The following FILIP1 variants were observed in gnomAD, a reference collection of about 807,000 sequenced individuals.
The protein encoded by FILIP1 is filamin-A-interacting protein 1.
A neutral mutation model predicts 102.1 loss-of-function variants in FILIP1; 61 were observed. That is an observed-to-expected ratio of 0.60 (90% CI 0.49 to 0.74). FILIP1 has a LOEUF of 0.74. Ranked by LOEUF, FILIP1 falls within the 30% of genes least tolerant of loss-of-function variation. The pLI, the probability that FILIP1 is intolerant of heterozygous loss-of-function variation, is 0.00. For missense variants in FILIP1, 1,314 were observed against 1,441.2 expected (o/e 0.91, Z 1.43); for synonymous variants, 491 against 526.9 (o/e 0.93, Z 0.93).
chr6:75,444,759 T>A (rs1206289895), intron 1 of FILIP1, among the ~76,000 whole-genome samples: 2 of 152,202 alleles, frequency 1.3e-5, no homozygotes, highest in Non-Finnish European at 2.9e-5. Flanking sequence ...GCTTCATTTT[T>A]AAATTAAACT....
chr6:75,309,070 T>C (rs963973769), intron 5 of FILIP1, among the ~76,000 whole-genome samples, 173 bp from the exon 6 acceptor site: 1 of 152,078 alleles, frequency 6.6e-6, no homozygotes, highest in African/African-American at 2.4e-5. Context: ...CCACTCTGAT[T>C]ATCTCCCCTT....
chr6:75,305,100 T>C (rs1176604970), downstream of FILIP1, among the ~76,000 whole-genome samples: 2 of 152,064 alleles, frequency 1.3e-5, no homozygotes, highest in East Asian at 1.9e-4. Flanking sequence ...AAATAACCAA[T>C]GATGAGACCC....
intron 1 of FILIP1, among the ~76,000 whole-genome samples, chr6:75,489,391 C>T (rs1161201883): frequency 2.0e-5 from 3 of 152,084 alleles, no homozygotes; most frequent in Non-Finnish European, 4.4e-5. Context: ...AATACATTCT[C>T]CTGCCTTTCC....
intron 6 of FILIP1, chr6:75,295,979 T>C (rs762688637): frequency 2.2e-6 from 3 of 1,393,226 alleles, no homozygotes; most frequent in Admixed American, 3.3e-5. Context: ...CATGGCATTT[T>C]CAATTAAACT....
At chr6:75,440,164 C>T (rs367584965) in intron 1 of FILIP1, among the ~76,000 whole-genome samples, 3 of 152,070 alleles carry the variant, frequency 2.0e-5, no homozygotes, top group Non-Finnish European at 4.4e-5. Flanking sequence ...AAATCCATCA[C>T]GGGCTCTTTG....
At chr6:75,326,095 T>TTAAA (rs1554200300) in intron 4 of FILIP1, among the ~76,000 whole-genome samples, 2 of 144,830 alleles carry the variant, frequency 1.4e-5, no homozygotes, top group African/African-American at 5.1e-5. Context: ...GATAGATAGA[T>TTAAA]TAGATAGATA....
intron 1 of FILIP1, among the ~76,000 whole-genome samples, chr6:75,442,583 C>G (rs1778303146): frequency 6.6e-6 from 1 of 152,196 alleles, no homozygotes; most frequent in Non-Finnish European, 1.5e-5. Flanking sequence ...GAAACCCCGT[C>G]TCCACCAAAA....
At chr6:75,345,455 C>T (rs1247628224) in intron 4 of FILIP1, among the ~76,000 whole-genome samples, 1 of 151,640 alleles carries the variant, frequency 6.6e-6, no homozygotes, top group African/African-American at 2.4e-5. Context: ...CAGATGTGCC[C>T]GTAGGAATAT....
At chr6:75,298,218 A>C (rs1772737691) in intron 6 of FILIP1, among the ~76,000 whole-genome samples, 1 of 152,236 alleles carries the variant, frequency 6.6e-6, no homozygotes, top group Non-Finnish European at 1.5e-5. Context: ...TACTGTATTT[A>C]AATTAGCAAA....
chr6:75,429,070 TG>T (rs1777731373), intron 1 of FILIP1, among the ~76,000 whole-genome samples: 1 of 152,196 alleles, frequency 6.6e-6, no homozygotes, highest in Non-Finnish European at 1.5e-5. Context: ...GTTTGCACTA[TG>T]TTTTTTTGTT....
At chr6:75,373,974 G>T (rs1775665297) in intron 2 of FILIP1, among the ~76,000 whole-genome samples, 1 of 152,146 alleles carries the variant, frequency 6.6e-6, no homozygotes, top group Non-Finnish European at 1.5e-5. Context: ...TGGGGCAACA[G>T]ACTGAAACCC....
At chr6:75,426,617 G>T (rs745430735) in intron 1 of FILIP1, among the ~76,000 whole-genome samples, 1 of 152,056 alleles carries the variant, frequency 6.6e-6, no homozygotes, top group Non-Finnish European at 1.5e-5. Flanking sequence ...ACCCAAACTG[G>T]GGCTGAAATG....
chr6:75,471,913 T>C (rs1017869273), intron 1 of FILIP1, among the ~76,000 whole-genome samples: 3 of 151,986 alleles, frequency 2.0e-5, no homozygotes, highest in Admixed American at 1.3e-4. Flanking sequence ...ACAGTGACTA[T>C]TTCTAGAGAG....
At position 75,353,642 on chromosome 6, in the gene FILIP1, G is replaced by C; in HGVS notation, c.526C>G (p.His176Asp). 6.2e-7 allele frequency: 1 copy of C among 1,614,192 alleles called. No individual in the cohort carries two copies. Among genetic ancestry groups the C allele is most frequent in the South Asian group, 1.1e-5 (1 of 91,088 alleles). The change falls in exon 4 of 6, where the codon CAT becomes GAT. Residue 176 changes from histidine to aspartate, a missense_variant. This residue lies in a region of FILIP1 where 494 missense variants were observed against 511.2 expected (regional missense o/e 0.97). Transcript: ENST00000237172. ...LEQLLLAEKC[H>D]RRTVYELENE... ...TCTAACTCGTATACGGTGCGCCTATGACACTTCTCGGCCAGCAACAGCTGC... is the reference window on the plus strand; with the variant it reads ...TCTAACTCGTATACGGTGCGCCTATCACACTTCTCGGCCAGCAACAGCTGC...
At chr6:75,368,379 G>C (rs1775409627) in intron 2 of FILIP1, among the ~76,000 whole-genome samples, 1 of 152,158 alleles carries the variant, frequency 6.6e-6, no homozygotes, top group Non-Finnish European at 1.5e-5. Flanking sequence ...GTTCAAAAGA[G>C]GGCCGAATCC....
chr6:75,360,465 G>A (rs377637139), intron 3 of FILIP1, among the ~76,000 whole-genome samples: 2 of 151,934 alleles, frequency 1.3e-5, no homozygotes, highest in Non-Finnish European at 2.9e-5. Flanking sequence ...TTTACTAAAG[G>A]AGAAAACAAA....
At chr6:75,329,618 A>G (rs1234740083) in intron 4 of FILIP1, among the ~76,000 whole-genome samples, 1 of 152,196 alleles carries the variant, frequency 6.6e-6, no homozygotes, top group Non-Finnish European at 1.5e-5. Flanking sequence ...AATGAACCTC[A>G]AAAGAGTCAA....
chr6:75,387,301 A>G (rs1056613488), intron 2 of FILIP1, among the ~76,000 whole-genome samples: 1 of 151,866 alleles, frequency 6.6e-6, no homozygotes, highest in Non-Finnish European at 1.5e-5. Flanking sequence ...AAAGTTTGCT[A>G]TTTTTTTGGT....
rs558797138 is a variant in FILIP1 at position 75,316,318 on chromosome 6, G to A, written c.630-1116C>T. 4.6e-5 allele frequency among the ~76,000 whole-genome samples: 7 copies of A among 152,236 alleles called. No homozygotes were observed. The South Asian group carries it at 1.4e-3, about 32-fold the overall frequency. ...ATTAATAGGTTTATAAGGGAAGCAA[G>A]TTATAAACAACCAATGACATGCACT... is the stretch of plus-strand genomic sequence containing the variant. On this transcript the variant is annotated intron_variant, in intron 4 of 5. Transcript: ENST00000237172.
Sources: gnomAD v4.1 joint callset for allele counts (sites outside exome capture counted in the v4.1 genomes callset) on GRCh38, gnomAD v4.1.1 for gene constraint, gnomAD v4.1.1 regional missense constraint, MANE v1.5 for transcripts, NCBI Gene and HGNC (gene_info 2026-07-23, HGNC 2026-07-21) for gene names.